Variants in MGRN1 observed in about 807,000 individuals in gnomAD.
MGRN1 encodes the protein mahogunin ring finger 1, also known as E3 ubiquitin-protein ligase MGRN1.
Under a neutral mutation model 69.2 loss-of-function variants are expected in MGRN1, and 29 were observed. That is an observed-to-expected ratio of 0.42 (90% CI 0.31 to 0.57). MGRN1 has a LOEUF of 0.57. Among genes scored for constraint, MGRN1 ranks in the 20% least tolerant of loss-of-function variants. MGRN1 has a pLI of 0.15. For missense variants in MGRN1, 998 were observed against 796.2 expected (o/e 1.25, Z -3.05); for synonymous variants, 470 against 344.2 (o/e 1.37, Z -4.04).
intron 12 of MGRN1, 185 bp from the exon 13 acceptor site, chr16:4,681,365 C>T (rs957354244): frequency 1.8e-5 from 11 of 598,072 alleles, no homozygotes; most frequent in Middle Eastern, 3.4e-4. Context: ...CATCCAGCCC[C>T]GTGCTGGAGC....
intron 7 of MGRN1, 55 bp from the exon 8 acceptor site, chr16:4,668,210 G>A: frequency 6.3e-7 from 1 of 1,576,212 alleles, no homozygotes; most frequent in Non-Finnish European, 8.7e-7. Context: ...CCACGCAGGG[G>A]TGCTCAGAGG....
At position 4,684,726 on chromosome 16, in the gene MGRN1, G is replaced by C. The variant is rs190776518; in HGVS notation, c.1618+794G>C. Among the ~76,000 whole-genome samples the C allele has an allele frequency of 3.2e-3, 481 of 152,368 alleles. 2 individuals are homozygous for C. The highest frequency in any genetic ancestry group is 0.011 in the African/African-American group (459 of 41,588). The stretch of plus-strand genomic sequence containing the variant: ...TAAGCTCTAAAGACCGGGAGGGAAT[G>C]GGGGCTCTCAGACTAGTGTCTCAGC... On this transcript the variant is annotated intron_variant, in intron 16 of 16. Coordinates refer to ENST00000262370, the MANE Select transcript of MGRN1 (RefSeq NM_015246.4).
rs869090061 is a variant in MGRN1 at position 4,632,007 on chromosome 16, C to CTTTTTTTTTTT, written c.88+6973_88+6983dup. On this transcript the variant is annotated intron_variant, in intron 1 of 16. Coordinates refer to ENST00000262370, the MANE Select transcript of MGRN1 (RefSeq NM_015246.4). ...CAATCTAGTAGTGATAAAAAATTTC[C>CTTTTTTTTTTT]TTTTTTTTTTTTTTTTTTTTTTTTG... Among the ~76,000 whole-genome samples, 50 of 64,854 alleles carry CTTTTTTTTTTT rather than the reference C, an allele frequency of 7.7e-4. 4 individuals carry two copies. The highest frequency in any genetic ancestry group is 1.7e-3 in the African/African-American group (25 of 14,542). The allele number at this position is 64,854 out of a possible 152,430, so 42.5% of individuals were successfully genotyped here.
intron 1 of MGRN1, among the ~76,000 whole-genome samples, chr16:4,637,976 G>C (rs150421116): frequency 2.6e-5 from 4 of 152,350 alleles, no homozygotes; most frequent in Non-Finnish European, 5.9e-5. Context: ...TGCTTAGTCA[G>C]AGTTGTTCTC....
chr16:4,674,323 C>T (rs529435071), intron 10 of MGRN1, among the ~76,000 whole-genome samples: 1 of 152,002 alleles, frequency 6.6e-6, no homozygotes, highest in Non-Finnish European at 1.5e-5. Flanking sequence ...GAGTCTCGCT[C>T]TGTCACCCAG....
rs557788348 is a variant in MGRN1, at chr16:4,625,648, G to A, written c.88+600G>A. 7.2e-5 allele frequency among the ~76,000 whole-genome samples: 11 copies of A among 152,354 alleles called. No homozygotes were observed. The South Asian group carries it at 2.1e-3, about 29-fold the overall frequency. On this transcript the variant is annotated intron_variant, in intron 1 of 16. Coordinates refer to ENST00000262370, the MANE Select transcript of MGRN1 (RefSeq NM_015246.4). ...TCGGGCCTCTGTGTTATGGCTGAGG[G>A]ACGTAAGACACCAAGGAGGAAGTGA...
chr16:4,687,717 T>C, intron 16 of MGRN1: 2 of 985,472 alleles, frequency 2.0e-6, no homozygotes, highest in East Asian at 1.1e-4. Context: ...CGTGCAGCTC[T>C]GGTCTGCCGA....
chr16:4,664,679 C>T (rs376152509), intron 5 of MGRN1, 30 bp from the exon 6 acceptor site: 68 of 1,613,472 alleles, frequency 4.2e-5, no homozygotes, highest in South Asian at 3.5e-4. Context: ...CTGTGTGGGT[C>T]CTGACCATTC....
intron 1 of MGRN1, among the ~76,000 whole-genome samples, chr16:4,628,452 T>TCAC (rs998332374): frequency 3.3e-5 from 5 of 150,988 alleles, no homozygotes; most frequent in Non-Finnish European, 7.4e-5. Context: ...TGTGCAGTCA[T>TCAC]CACCACAATT....
At chr16:4,638,057 C>A (rs115919472) in intron 1 of MGRN1, among the ~76,000 whole-genome samples, 1,615 of 152,262 alleles carry the variant, frequency 0.011, 32 homozygotes, top group African/African-American at 0.037. Context: ...ATGGGAGGTC[C>A]GAAAGGGACT....
chr16:4,686,813 T>G (rs1341621925), intron 16 of MGRN1: 28 of 987,398 alleles, frequency 2.8e-5, no homozygotes, highest in Non-Finnish European at 3.1e-5. Flanking sequence ...GCTCAGCAGG[T>G]CCACTCCCGT....
intron 1 of MGRN1, among the ~76,000 whole-genome samples, chr16:4,629,150 ATGTGTGTGTGTGTGTG>A (rs377682804): frequency 1.6e-5 from 2 of 127,602 alleles, no homozygotes; most frequent in Non-Finnish European, 3.3e-5. Flanking sequence ...TTCTGTTCGT[ATGTGTGTGTGTGTGTG>A]TGTGTGTGTG....
intron 1 of MGRN1, among the ~76,000 whole-genome samples, chr16:4,632,830 C>T (rs1382281835): frequency 2.6e-5 from 4 of 152,168 alleles, no homozygotes; most frequent in African/African-American, 9.7e-5. Flanking sequence ...CATTTGTAAT[C>T]CCAGCACTTT....
chr16:4,632,182 A>G (rs961552342), intron 1 of MGRN1, among the ~76,000 whole-genome samples: 2 of 89,382 alleles, frequency 2.2e-5, no homozygotes, highest in African/African-American at 9.3e-5. Flanking sequence ...ACGCCCAGCT[A>G]ATTTTTGTAT....
chr16:4,625,438 G>C (rs916300121), intron 1 of MGRN1, among the ~76,000 whole-genome samples: 1 of 152,222 alleles, frequency 6.6e-6, no homozygotes, highest in African/African-American at 2.4e-5. Context: ...ACCTCACCGC[G>C]GGGGCCGGCT....
intron 1 of MGRN1, among the ~76,000 whole-genome samples, chr16:4,638,262 T>G (rs904661981): frequency 3.3e-5 from 5 of 151,958 alleles, no homozygotes; most frequent in African/African-American, 1.2e-4. Context: ...GTCAGGAGTT[T>G]GAGACCAGCC....
intron 1 of MGRN1, among the ~76,000 whole-genome samples, chr16:4,642,447 A>G (rs1367476139): frequency 1.3e-5 from 2 of 149,134 alleles, no homozygotes; most frequent in East Asian, 1.9e-4. Flanking sequence ...ACAGGCATGC[A>G]CCACCACGGC....
intron 1 of MGRN1, among the ~76,000 whole-genome samples, chr16:4,625,871 G>C (rs567593547): frequency 8.5e-5 from 13 of 152,324 alleles, no homozygotes; most frequent in Admixed American, 4.6e-4. Context: ...AGAGGAGAGA[G>C]AACTTGGGCA....
At chr16:4,676,308 G>T (rs549753217) in intron 10 of MGRN1, among the ~76,000 whole-genome samples, 167 of 152,334 alleles carry the variant, frequency 1.1e-3, no homozygotes, top group Non-Finnish European at 2.0e-3. Context: ...GGCAGGGGTG[G>T]GCTGTCTAGG....
Sources: gnomAD v4.1 joint callset for allele counts (sites outside exome capture counted in the v4.1 genomes callset) on GRCh38, gnomAD v4.1.1 for gene constraint, MANE v1.5 for transcripts, NCBI Gene and HGNC (gene_info 2026-07-23, HGNC 2026-07-21) for gene names.